Variants in SLC35D4 observed in about 807,000 individuals in gnomAD.
SLC35D4 encodes solute carrier family 35 member D4.
chr18:23,437,942 G>GGCAGCA, the SLC35D4 span: 12 of 1,416,716 alleles, frequency 8.5e-6, no homozygotes, highest in Non-Finnish European at 1.2e-5. Context: ...CAGCGGCAGC[G>GGCAGCA]GCAGCAGCCG....
At chr18:23,342,769 C>T in the SLC35D4 span, among the ~76,000 whole-genome samples, 36 of 152,248 alleles carry the variant, frequency 2.4e-4, 1 homozygote, top group South Asian at 6.4e-3. Context: ...GTAGTGGGTG[C>T]GTGGTGATAT....
At chr18:23,421,519 G>A in the SLC35D4 span, 4 of 1,330,544 alleles carry the variant, frequency 3.0e-6, no homozygotes, top group Admixed American at 1.7e-5. Flanking sequence ...CAGCAGATCT[G>A]CTGACTGACA....
At chr18:23,290,464 C>T in the SLC35D4 span, among the ~76,000 whole-genome samples, 2 of 152,200 alleles carry the variant, frequency 1.3e-5, no homozygotes, top group African/African-American at 4.8e-5. Flanking sequence ...GGTCCTCAGA[C>T]TTCAGGGAGA....
At chr18:23,406,245 T>G in the SLC35D4 span, among the ~76,000 whole-genome samples, 2 of 152,222 alleles carry the variant, frequency 1.3e-5, no homozygotes, top group Non-Finnish European at 2.9e-5. Context: ...CAGATTAACT[T>G]TAGCCAATAG....
the SLC35D4 span, among the ~76,000 whole-genome samples, chr18:23,314,954 G>C: frequency 6.6e-6 from 1 of 152,152 alleles, no homozygotes; most frequent in East Asian, 1.9e-4. Context: ...AAGCAGATCA[G>C]GTTTGTTTTT....
chr18:23,281,573 T>C, the SLC35D4 span, among the ~76,000 whole-genome samples: 10 of 152,310 alleles, frequency 6.6e-5, no homozygotes, highest in Admixed American at 6.5e-4. Flanking sequence ...GCAATCTGCC[T>C]GCCGTGGCCT....
At chr18:23,250,760 A>G in the SLC35D4 span, among the ~76,000 whole-genome samples, 1 of 152,224 alleles carries the variant, frequency 6.6e-6, no homozygotes, top group East Asian at 1.9e-4. Flanking sequence ...CAGAAAGACT[A>G]TGTATCAGAG....
the SLC35D4 span, among the ~76,000 whole-genome samples, chr18:23,355,139 G>A: frequency 3.3e-5 from 5 of 152,164 alleles, no homozygotes; most frequent in Admixed American, 3.3e-4. Context: ...GCTGAGCTCT[G>A]TACAGAAGCA....
At chr18:23,247,442 G>T in the SLC35D4 span, among the ~76,000 whole-genome samples, 1 of 152,244 alleles carries the variant, frequency 6.6e-6, no homozygotes, top group African/African-American at 2.4e-5. Flanking sequence ...TATGTGCTGG[G>T]CCCCTTCCAA....
At chr18:23,336,986 C>T in the SLC35D4 span, among the ~76,000 whole-genome samples, 17,434 of 151,528 alleles carry the variant, frequency 0.12, 1,103 homozygotes, top group Middle Eastern at 0.19. Context: ...AAACATACTT[C>T]TATGATTTCC....
chr18:23,376,214 CATA>C, the SLC35D4 span, among the ~76,000 whole-genome samples: 34 of 152,338 alleles, frequency 2.2e-4, no homozygotes, highest in African/African-American at 8.2e-4. Context: ...TACACATAAA[CATA>C]TATATCTAAC....
chr18:23,406,048 A>T, the SLC35D4 span, among the ~76,000 whole-genome samples: 3 of 152,198 alleles, frequency 2.0e-5, no homozygotes, highest in Non-Finnish European at 4.4e-5. Context: ...TGAAGCTACA[A>T]CTTTAAAATC....
At chr18:23,377,911 C>T in the SLC35D4 span, among the ~76,000 whole-genome samples, 6 of 151,994 alleles carry the variant, frequency 3.9e-5, no homozygotes, top group South Asian at 2.1e-4. Context: ...GATGTTTACT[C>T]GTGAAAGATA....
the SLC35D4 span, among the ~76,000 whole-genome samples, chr18:23,307,367 C>T: frequency 6.6e-6 from 1 of 152,240 alleles, no homozygotes; most frequent in Non-Finnish European, 1.5e-5. Flanking sequence ...CCCTCACCTT[C>T]GCCTTCCCTG....
At chr18:23,418,812 C>A in the SLC35D4 span, among the ~76,000 whole-genome samples, 1 of 151,734 alleles carries the variant, frequency 6.6e-6, no homozygotes, top group Admixed American at 6.6e-5. Flanking sequence ...TTGAGACCAT[C>A]CTGGCTAACG....
chr18:23,283,707 G>A, the SLC35D4 span, among the ~76,000 whole-genome samples: 1 of 151,844 alleles, frequency 6.6e-6, no homozygotes, highest in Non-Finnish European at 1.5e-5. Flanking sequence ...TACTCAGGAG[G>A]CTGAGGCAGG....
the SLC35D4 span, among the ~76,000 whole-genome samples, chr18:23,396,596 C>T: frequency 6.6e-6 from 1 of 152,134 alleles, no homozygotes; most frequent in Non-Finnish European, 1.5e-5. Flanking sequence ...TGAATTGCAA[C>T]AGCTTCTTTT....
At chr18:23,326,408 T>C in the SLC35D4 span, among the ~76,000 whole-genome samples, 2 of 152,162 alleles carry the variant, frequency 1.3e-5, no homozygotes, top group East Asian at 3.8e-4. Context: ...AATCCTAGTC[T>C]CTGACAAAAC....
chr18:23,359,608 C>T, the SLC35D4 span, among the ~76,000 whole-genome samples: 1 of 152,040 alleles, frequency 6.6e-6, no homozygotes, highest in Non-Finnish European at 1.5e-5. Context: ...GATATTTGAA[C>T]GTGAAGAAAA....
Sources: gnomAD v4.1 joint callset for allele counts (sites outside exome capture counted in the v4.1 genomes callset) on GRCh38, gnomAD v4.1.1 for gene constraint, MANE v1.5 for transcripts, NCBI Gene and HGNC (gene_info 2026-07-23, HGNC 2026-07-21) for gene names.